The following COG5 variants were observed in gnomAD, a reference collection of about 807,000 sequenced individuals.
COG5 encodes the protein conserved oligomeric Golgi complex subunit 5.
In COG5, 86 loss-of-function variants were observed where a neutral mutation model predicts 110.4. That is an observed-to-expected ratio of 0.78 (90% CI 0.65 to 0.93). COG5 has a LOEUF of 0.93. Among genes scored for constraint, COG5 ranks in the 40% least tolerant of loss-of-function variants. The probability of loss-of-function intolerance (pLI) is 0.00; values close to 1 mark genes in which losing one functional copy is unlikely to be tolerated. For synonymous variants in COG5, 360 were observed against 334.6 expected, an observed-to-expected ratio of 1.08 and a Z score of -0.83; for missense variants, 1,077 against 987.0, an observed-to-expected ratio of 1.09 and a Z score of -1.22.
Position 107,384,347 on chromosome 7 carries a change from T to C in COG5, c.670-11587A>G, listed in dbSNP as rs565660227. Among the ~76,000 whole-genome samples the C allele has an allele frequency of 2.2e-4, 34 of 152,276 alleles. 1 individual carries two copies. The highest frequency in any genetic ancestry group is 7.0e-4 in the African/African-American group (29 of 41,568). On this transcript the variant is annotated intron_variant, in intron 7 of 21. Coordinates refer to ENST00000297135, the MANE Select transcript of COG5 (RefSeq NM_006348.5). ...AAACAGCCAGGTGGGAGGGGGTCCCTGGAGAAACTCCAACCTGCCTGCCCA... is the reference window on the plus strand; with the variant it reads ...AAACAGCCAGGTGGGAGGGGGTCCCCGGAGAAACTCCAACCTGCCTGCCCA...
chr7:107,490,949 A>G (rs1225930784), intron 6 of COG5, among the ~76,000 whole-genome samples: 1 of 152,126 alleles, frequency 6.6e-6, no homozygotes, highest in Non-Finnish European at 1.5e-5. Context: ...ATTATCTTAA[A>G]ATACCTAGCC....
chr7:107,485,181 A>C (rs935613556), intron 6 of COG5, among the ~76,000 whole-genome samples: 10 of 152,226 alleles, frequency 6.6e-5, no homozygotes, highest in African/African-American at 2.2e-4. Flanking sequence ...TGAAGCGAAG[A>C]CTAAAATCTC....
intron 7 of COG5, among the ~76,000 whole-genome samples, chr7:107,390,646 TGGAAG>T (rs1790555033): frequency 6.6e-6 from 1 of 151,414 alleles, no homozygotes; most frequent in African/African-American, 2.4e-5. Context: ...AACAGCCATA[TGGAAG>T]GGTATGCAAG....
At chr7:107,209,719 G>A (rs1428620908) in intron 21 of COG5, 3 of 680,830 alleles carry the variant, frequency 4.4e-6, no homozygotes, top group African/African-American at 3.9e-5. Context: ...GCCATATCTC[G>A]GCTTACTTCG....
intron 6 of COG5, among the ~76,000 whole-genome samples, chr7:107,508,236 C>T (rs576726769): frequency 4.0e-4 from 61 of 152,332 alleles, no homozygotes; most frequent in Admixed American, 2.2e-3. Context: ...GATTATATCC[C>T]GCACCTGGCT....
At chr7:107,541,496 CAAAAAAAAAAA>C (rs869244428) in intron 5 of COG5, among the ~76,000 whole-genome samples, 4 of 31,960 alleles carry the variant, frequency 1.3e-4, no homozygotes, top group Admixed American at 1.2e-3. Flanking sequence ...GACCCTGTCT[CAAAAAAAAAAA>C]AAAAAAAAAA....
chr7:107,399,784 C>G (rs1791292091), intron 7 of COG5, among the ~76,000 whole-genome samples: 1 of 152,102 alleles, frequency 6.6e-6, no homozygotes, highest in Non-Finnish European at 1.5e-5. Flanking sequence ...AAAAATTGAA[C>G]AAAAACCTTC....
intron 6 of COG5, among the ~76,000 whole-genome samples, chr7:107,446,586 CATT>C (rs1362985810): frequency 6.6e-6 from 1 of 152,110 alleles, no homozygotes; most frequent in African/African-American, 2.4e-5. Context: ...CTTTAAAAAA[CATT>C]ATGGCTTCTA....
rs112408175 is a variant in COG5, at chr7:107,308,302, A to G, written c.1109-9956T>C. On this transcript the variant is annotated intron_variant, in intron 11 of 21. Transcript: ENST00000297135. The stretch of plus-strand genomic sequence containing the variant: ...TTCCTTATGTTTGGGTCTTACTCTT[A>G]GAGACTCTAATGTAATTACAGCCCA... Among the ~76,000 whole-genome samples the G allele has an allele frequency of 8.5e-5, 13 of 152,290 alleles. 3 individuals carry two copies. Among genetic ancestry groups the G allele is most frequent in the African/African-American group, 3.1e-4 (13 of 41,578 alleles).
At chr7:107,366,297 C>T (rs1813606286) in intron 8 of COG5, among the ~76,000 whole-genome samples, 1 of 151,960 alleles carries the variant, frequency 6.6e-6, no homozygotes, top group African/African-American at 2.4e-5. Context: ...GAAAAAACTC[C>T]AAGCAAATAT....
intron 11 of COG5, among the ~76,000 whole-genome samples, chr7:107,319,120 GTTAAATCTGCA>G (rs1002562001): frequency 2.0e-5 from 3 of 150,754 alleles, no homozygotes; most frequent in African/African-American, 7.3e-5. Flanking sequence ...TCTTCTCAGG[GTTAAATCTGCA>G]TTTAATTTCA....
intron 6 of COG5, among the ~76,000 whole-genome samples, chr7:107,511,703 A>G (rs1799528918): frequency 6.6e-6 from 1 of 152,222 alleles, no homozygotes; most frequent in Non-Finnish European, 1.5e-5. Context: ...TACCATGATC[A>G]AGTGGGCTTC....
At chr7:107,420,399 G>A (rs1378681699) in intron 6 of COG5, among the ~76,000 whole-genome samples, 1 of 152,136 alleles carries the variant, frequency 6.6e-6, no homozygotes, top group Non-Finnish European at 1.5e-5. Context: ...AGAAGCACCC[G>A]GAAGAACATG....
At chr7:107,496,816 A>G (rs984507342) in intron 6 of COG5, among the ~76,000 whole-genome samples, 2 of 152,176 alleles carry the variant, frequency 1.3e-5, no homozygotes, top group Non-Finnish European at 2.9e-5. Flanking sequence ...AACAGAAATA[A>G]AAGAAAAACT....
At chr7:107,351,206 G>C (rs1030221011) in intron 10 of COG5, among the ~76,000 whole-genome samples, 7 of 152,124 alleles carry the variant, frequency 4.6e-5, no homozygotes, top group Admixed American at 3.3e-4. Flanking sequence ...CAAGCAATGG[G>C]GAAAGGATTC....
chr7:107,279,575 G>A (rs894102153), intron 14 of COG5, among the ~76,000 whole-genome samples: 4 of 151,940 alleles, frequency 2.6e-5, no homozygotes, highest in Non-Finnish European at 5.9e-5. Flanking sequence ...CACATTGAGG[G>A]GTAGAAGAGT....
At chr7:107,273,146 C>G (rs1804417909) in intron 14 of COG5, among the ~76,000 whole-genome samples, 2 of 152,138 alleles carry the variant, frequency 1.3e-5, no homozygotes, top group African/African-American at 4.8e-5. Flanking sequence ...TGGTGTCACA[C>G]TGGGATACTG....
chr7:107,477,079 A>C (rs1797038690), intron 6 of COG5, among the ~76,000 whole-genome samples: 1 of 151,686 alleles, frequency 6.6e-6, no homozygotes, highest in South Asian at 2.1e-4. Flanking sequence ...TAGCATAAGC[A>C]AGTAAGATAT....
chr7:107,427,496 G>C (rs1304549359), intron 6 of COG5, among the ~76,000 whole-genome samples: 1 of 151,962 alleles, frequency 6.6e-6, no homozygotes, highest in East Asian at 1.9e-4. Flanking sequence ...AAAAAAAGAT[G>C]TACTGAAGTC....
Sources: gnomAD v4.1 joint callset for allele counts (sites outside exome capture counted in the v4.1 genomes callset) on GRCh38, gnomAD v4.1.1 for gene constraint, MANE v1.5 for transcripts, NCBI Gene and HGNC (gene_info 2026-07-23, HGNC 2026-07-21) for gene names.